The following DPP6 variants were observed in gnomAD, a reference collection of about 807,000 sequenced individuals.
DPP6 encodes A-type potassium channel modulatory protein DPP6.
A neutral mutation model predicts 122.6 loss-of-function variants in DPP6; 69 were observed. The ratio of observed to expected loss-of-function variants is 0.56; its 90% CI spans 0.46 to 0.69. The LOEUF (loss-of-function observed/expected upper bound fraction) is 0.69. Ranked by LOEUF, DPP6 falls within the 30% of genes least tolerant of loss-of-function variation. The pLI is 0.00. For synonymous variants in DPP6, 418 were observed against 433.1 expected, an observed-to-expected ratio of 0.97 and a Z score of 0.43; for missense variants, 928 against 1,116.9, an observed-to-expected ratio of 0.83 and a Z score of 2.41.
intron 1 of DPP6, among the ~76,000 whole-genome samples, chr7:154,071,869 CA>C (rs1361692354): frequency 6.6e-6 from 1 of 152,124 alleles, no homozygotes; most frequent in South Asian, 2.1e-4. Flanking sequence ...CTCTGTGATA[CA>C]AGGGAAAAAT....
intron 10 of DPP6, among the ~76,000 whole-genome samples, chr7:154,782,454 A>G (rs1797086712): frequency 6.6e-6 from 1 of 152,016 alleles, no homozygotes; most frequent in Non-Finnish European, 1.5e-5. Flanking sequence ...TTCAAATCCT[A>G]TTTTCTCCTC....
At chr7:154,854,799 A>G (rs1012564497) in intron 17 of DPP6, among the ~76,000 whole-genome samples, 3 of 152,226 alleles carry the variant, frequency 2.0e-5, no homozygotes, top group African/African-American at 4.8e-5. Context: ...AGTGGGAGGC[A>G]GAGGCACAGC....
chr7:154,021,226 C>T (rs1179138919), intron 1 of DPP6, among the ~76,000 whole-genome samples: 1 of 152,116 alleles, frequency 6.6e-6, no homozygotes, highest in Non-Finnish European at 1.5e-5. Flanking sequence ...CATTGATCAC[C>T]CATGCACCTC....
At chr7:154,614,220 G>A (rs1465699131) in intron 5 of DPP6, among the ~76,000 whole-genome samples, 1 of 152,078 alleles carries the variant, frequency 6.6e-6, no homozygotes, top group Non-Finnish European at 1.5e-5. Context: ...GCTCACATAG[G>A]GTTAGCTTGC....
chr7:154,732,206 AT>A (rs5888591), intron 8 of DPP6, among the ~76,000 whole-genome samples: 105,024 of 149,064 alleles, frequency 0.7, 37,234 homozygotes, highest in African/African-American at 0.81. Flanking sequence ...TGCCCGGCTA[AT>A]TTTTTTTTTT....
intron 11 of DPP6, 48 bp downstream of exon 11, chr7:154,794,250 G>T (rs1332276412): frequency 9.2e-6 from 14 of 1,529,016 alleles, no homozygotes; most frequent in African/African-American, 5.5e-5. Flanking sequence ...AGAACCGATG[G>T]TCAGACGCGC....
chr7:154,208,522 T>G (rs1478685115), intron 1 of DPP6, among the ~76,000 whole-genome samples: 1 of 152,240 alleles, frequency 6.6e-6, no homozygotes, highest in Non-Finnish European at 1.5e-5. Context: ...CCCAACAGAA[T>G]AAATATTAAG....
At chr7:153,864,724 T>C in the DPP6 span, among the ~76,000 whole-genome samples, 5 of 138,290 alleles carry the variant, frequency 3.6e-5, no homozygotes, top group East Asian at 2.1e-4. Context: ...CACACACACG[T>C]GCTTGGGGAA....
the DPP6 span, among the ~76,000 whole-genome samples, chr7:153,772,000 T>G: frequency 6.6e-6 from 1 of 152,168 alleles, no homozygotes; most frequent in Admixed American, 6.5e-5. Flanking sequence ...TATAGCATGG[T>G]TAAAAGGTAT....
intron 1 of DPP6, among the ~76,000 whole-genome samples, chr7:153,988,516 TC>T (rs569260096): frequency 1.3e-5 from 2 of 152,302 alleles, no homozygotes; most frequent in Non-Finnish European, 2.9e-5. Flanking sequence ...TTGTTTGTCT[TC>T]CAAGTTCTGG....
chr7:154,021,756 T>G (rs970269161), intron 1 of DPP6, among the ~76,000 whole-genome samples: 1 of 152,300 alleles, frequency 6.6e-6, no homozygotes, highest in Admixed American at 6.5e-5. Context: ...GCTGTGTGCA[T>G]TCAGCCTCAG....
At chr7:153,863,884 T>A in the DPP6 span, among the ~76,000 whole-genome samples, 6 of 152,208 alleles carry the variant, frequency 3.9e-5, no homozygotes, top group Non-Finnish European at 7.3e-5. Flanking sequence ...TCAAAGTTCA[T>A]CCACGTTGTG....
At position 154,210,751 on chromosome 7, in the gene DPP6, G is replaced by A. The variant is rs572953733; in HGVS notation, c.243+157688G>A. Among the ~76,000 whole-genome samples, 9 of 152,030 alleles carry A rather than the reference G, an allele frequency of 5.9e-5. No individual in the cohort carries two copies. The South Asian group carries it at 6.2e-4, about 11-fold the overall frequency. ...AAATTGAGGTCTGTCCAGGGAGGCC[G>A]GGCTGGAGACACCCTGAGTTCCTAG... is the stretch of plus-strand genomic sequence containing the variant. On this transcript the variant is annotated intron_variant, in intron 1 of 25. Transcript: ENST00000377770.
At chr7:154,015,332 C>G (rs1279041161) in intron 1 of DPP6, among the ~76,000 whole-genome samples, 1 of 152,120 alleles carries the variant, frequency 6.6e-6, no homozygotes, top group Non-Finnish European at 1.5e-5. Flanking sequence ...TCTGCCTGCC[C>G]TCTTCTGGAT....
intron 1 of DPP6, among the ~76,000 whole-genome samples, chr7:154,402,613 G>C (rs1010572474): frequency 7.4e-6 from 1 of 135,578 alleles, no homozygotes; most frequent in Non-Finnish European, 1.6e-5. Flanking sequence ...TGGGGGGAGG[G>C]GGGAGGGATA....
chr7:154,612,328 C>A (rs1311164234), intron 5 of DPP6, among the ~76,000 whole-genome samples: 1 of 152,228 alleles, frequency 6.6e-6, no homozygotes, highest in African/African-American at 2.4e-5. Flanking sequence ...TCCTTCCCTC[C>A]CTAACCCCTG....
intron 1 of DPP6, among the ~76,000 whole-genome samples, chr7:154,351,564 C>T (rs1420034675): frequency 1.3e-5 from 2 of 152,188 alleles, no homozygotes; most frequent in Admixed American, 6.5e-5. Context: ...ACCCTGCCTG[C>T]CCACACTCGG....
intron 1 of DPP6, among the ~76,000 whole-genome samples, chr7:153,941,962 A>G (rs1801716596): frequency 6.6e-6 from 1 of 152,146 alleles, no homozygotes; most frequent in South Asian, 2.1e-4. Flanking sequence ...GCTGGGAAAA[A>G]AAAGGAATGG....
At chr7:154,216,949 A>G (rs187919073) in intron 1 of DPP6, among the ~76,000 whole-genome samples, 1 of 150,692 alleles carries the variant, frequency 6.6e-6, no homozygotes, top group Admixed American at 6.6e-5. Flanking sequence ...AAAAGATCCT[A>G]GGAAACAACT....
Sources: gnomAD v4.1 joint callset for allele counts (sites outside exome capture counted in the v4.1 genomes callset) on GRCh38, gnomAD v4.1.1 for gene constraint, MANE v1.5 for transcripts, NCBI Gene and HGNC (gene_info 2026-07-23, HGNC 2026-07-21) for gene names.